The following TMEM178B variants were observed in gnomAD, a reference collection of about 807,000 sequenced individuals.
TMEM178B encodes the protein transmembrane protein 178B.
TMEM178B carries 5 observed loss-of-function variants against 31.0 expected under a neutral mutation model. That is an observed-to-expected ratio of 0.16 (90% CI 0.08 to 0.34). The LOEUF (loss-of-function observed/expected upper bound fraction) is 0.34, where lower values mean the gene tolerates loss of function less well. Ranked by LOEUF, TMEM178B falls within the 10% of genes least tolerant of loss-of-function variation. The probability of loss-of-function intolerance (pLI) is 1.00; values close to 1 mark genes in which losing one functional copy is unlikely to be tolerated. For synonymous variants in TMEM178B, 164 were observed against 164.0 expected, an observed-to-expected ratio of 1.00 and a Z score of 0.00; for missense variants, 275 against 400.3, an observed-to-expected ratio of 0.69 and a Z score of 2.67.
chr7:141,074,634 C>T lies in TMEM178B; in HGVS notation c.324C>T (p.Leu108=), dbSNP rs753114080. ...SRQYNSTNMG[L]WRKCHRQGFD... The stretch of plus-strand genomic sequence containing the variant: ...AGTACAACTCCACCAACATGGGCCT[C>T]TGGAGGAAGTGCCACCGGCAGGGCT... The change falls in exon 1 of 4, where the codon CTC becomes CTT. Residue 108 remains leucine, a synonymous_variant. Coordinates refer to ENST00000565468, the MANE Select transcript of TMEM178B (RefSeq NM_001195278.2). This position sits in a 1 kb window ranked among gnomAD's most constrained non-coding sequence, Gnocchi z 5.1. 7.9e-6 allele frequency: 12 copies of T among 1,528,134 alleles called. No individual in the cohort carries two copies. Among genetic ancestry groups the T allele is most frequent in the East Asian group, 2.5e-5 (1 of 40,680 alleles). 94.7% of individuals were successfully genotyped at this position (1,528,134 alleles called of 1,614,324 possible).
In TMEM178B at chr7:141,461,329, G is replaced by A. The variant is rs555400080; in HGVS notation, c.635-9207G>A. 1.3e-5 allele frequency among the ~76,000 whole-genome samples: 2 copies of A among 152,334 alleles called. No homozygotes were observed. The highest frequency in any genetic ancestry group is 4.8e-5 in the African/African-American group (2 of 41,576). On this transcript the variant is annotated intron_variant, in intron 3 of 3. Coordinates refer to ENST00000565468, the MANE Select transcript of TMEM178B (RefSeq NM_001195278.2). The surrounding 1 kb of genome is among the most constrained non-coding windows in gnomAD (Gnocchi z 4.0). Reference sequence around the variant, plus strand: ...CTCTCTCCACATAGCAACAAGAGAGGAAGCCAGGATTGGGGATCCGCAGAC... The same window carrying A: ...CTCTCTCCACATAGCAACAAGAGAGAAAGCCAGGATTGGGGATCCGCAGAC...
At chr7:141,448,776 G>T (rs1801807783) in intron 3 of TMEM178B, among the ~76,000 whole-genome samples, 1 of 152,108 alleles carries the variant, frequency 6.6e-6, no homozygotes, top group Non-Finnish European at 1.5e-5. Flanking sequence ...TGCAGTCCAG[G>T]CTCAGACTGG....
At chr7:141,390,637 G>T (rs1800517844) in intron 2 of TMEM178B, among the ~76,000 whole-genome samples, 1 of 152,212 alleles carries the variant, frequency 6.6e-6, no homozygotes, top group African/African-American at 2.4e-5. Flanking sequence ...CAAACTACCT[G>T]CCCCGTTCTG....
Position 141,263,822 on chromosome 7 carries a change from C to CA in TMEM178B, c.496+51119dup, listed in dbSNP as rs529421868. Among the ~76,000 whole-genome samples, 25 of 152,306 alleles carry CA rather than the reference C, an allele frequency of 1.6e-4. No individual in the cohort carries two copies. In the East Asian group the frequency reaches 2.7e-3, roughly 16 times the overall value. The stretch of plus-strand genomic sequence containing the variant: ...TTGTAGATTCAGAGGTCCCCAGGAC[C>CA]ACTTTTACTTTCCATAGTTCTGTAG... On this transcript the variant is annotated intron_variant, in intron 2 of 3. Transcript: ENST00000565468.
chr7:141,270,983 G>A (rs1421071887), intron 2 of TMEM178B, among the ~76,000 whole-genome samples: 1 of 152,158 alleles, frequency 6.6e-6, no homozygotes, highest in Non-Finnish European at 1.5e-5. Context: ...TGACAGGCAG[G>A]TACATTGCAG....
chr7:141,227,159 C>T (rs957429134), intron 2 of TMEM178B, among the ~76,000 whole-genome samples: 1 of 152,164 alleles, frequency 6.6e-6, no homozygotes, highest in African/African-American at 2.4e-5. Context: ...AGACTCAGGA[C>T]GGCAGAGGCC....
In TMEM178B at chr7:141,473,185, G is replaced by T. The variant is rs928980269; in HGVS notation, c.*2399G>T. On this transcript the variant is annotated 3_prime_UTR_variant, in exon 4 of 4. Transcript: ENST00000565468. ...ATTTCTAATTTTCTTTGAAAAGTTA[G>T]ATTTCTCCCTTAAGGGGAAGGGCAT... 3 of 152,198 alleles carry T rather than the reference G, an allele frequency of 2.0e-5. No homozygotes were observed. The highest frequency in any genetic ancestry group is 7.2e-5 in the African/African-American group (3 of 41,452). 9.4% of individuals were successfully genotyped at this position (152,198 alleles called of 1,614,324 possible). A position where few individuals can be genotyped will look rare whatever the true frequency, so the allele number is the denominator to read the frequency against.
At chr7:141,128,634 T>C (rs1374806630) in intron 1 of TMEM178B, among the ~76,000 whole-genome samples, 1 of 151,894 alleles carries the variant, frequency 6.6e-6, no homozygotes, top group African/African-American at 2.4e-5. Flanking sequence ...TAATAGTGCA[T>C]GGGGTTAACT....
intron 1 of TMEM178B, among the ~76,000 whole-genome samples, chr7:141,104,042 A>C (rs529258544): frequency 1.8e-4 from 28 of 152,360 alleles, no homozygotes; most frequent in Non-Finnish European, 3.2e-4. Context: ...TGCCATGCAC[A>C]ACCGAAAAAA....
chr7:141,215,788 T>TTC (rs146962083), intron 2 of TMEM178B, among the ~76,000 whole-genome samples: 1 of 67,716 alleles, frequency 1.5e-5, no homozygotes, highest in African/African-American at 5.0e-5. Context: ...CTTTCTTTCT[T>TTC]TCTTTCTTTC....
chr7:141,354,561 G>A (rs1167667819), intron 2 of TMEM178B, among the ~76,000 whole-genome samples: 1 of 152,196 alleles, frequency 6.6e-6, no homozygotes, highest in Admixed American at 6.5e-5. Context: ...AGGCCTTGAA[G>A]TCTTTTCTTT....
rs1481341676 is a variant in TMEM178B at position 141,474,978 on chromosome 7, G to T, written c.*4192G>T. 1 of 152,188 alleles carries T rather than the reference G, an allele frequency of 6.6e-6. No individual in the cohort carries two copies. Among genetic ancestry groups the T allele is most frequent in the African/African-American group, 2.4e-5 (1 of 41,436 alleles). 9.4% of individuals were successfully genotyped at this position (152,188 alleles called of 1,614,324 possible). A position where few individuals can be genotyped will look rare whatever the true frequency, so the allele number is the denominator to read the frequency against. On this transcript the variant is annotated 3_prime_UTR_variant, in exon 4 of 4. Transcript: ENST00000565468. The stretch of plus-strand genomic sequence containing the variant: ...ATACACTCTGGTCATCCTTTGGTGT[G>T]GTTTGTGGGGGATACTTGGTTGATT...
intron 2 of TMEM178B, among the ~76,000 whole-genome samples, chr7:141,391,206 G>A (rs1255555050): frequency 4.6e-5 from 7 of 151,822 alleles, no homozygotes; most frequent in Admixed American, 6.6e-5. Flanking sequence ...TCACTCTGTC[G>A]CCAGACTGAA....
intron 1 of TMEM178B, among the ~76,000 whole-genome samples, chr7:141,160,203 C>T (rs760813070): frequency 1.3e-5 from 2 of 151,960 alleles, no homozygotes; most frequent in Non-Finnish European, 2.9e-5. Flanking sequence ...ATCCCTCACC[C>T]CACTCCCACC....
intron 2 of TMEM178B, among the ~76,000 whole-genome samples, chr7:141,399,814 G>A (rs1800728406): frequency 6.6e-6 from 1 of 151,948 alleles, no homozygotes; most frequent in African/African-American, 2.4e-5. Flanking sequence ...CTGGCCCTAG[G>A]GATTTTCTAC....
chr7:141,466,077 CAT>C (rs1410036185), intron 3 of TMEM178B, among the ~76,000 whole-genome samples: 1 of 152,166 alleles, frequency 6.6e-6, no homozygotes, highest in Non-Finnish European at 1.5e-5. Context: ...AAAACAGTAG[CAT>C]ATATGGAAAT....
chr7:141,094,263 T>C (rs1794923722), intron 1 of TMEM178B, among the ~76,000 whole-genome samples: 2 of 152,244 alleles, frequency 1.3e-5, no homozygotes, highest in South Asian at 4.1e-4. Context: ...GAGATGGCCT[T>C]TCTTGAAGCA....
intron 2 of TMEM178B, among the ~76,000 whole-genome samples, chr7:141,263,360 T>C (rs1435829280): frequency 1.3e-5 from 2 of 152,134 alleles, no homozygotes; most frequent in Admixed American, 1.3e-4. Flanking sequence ...ATGGGATACA[T>C]GGGCACAGGT....
At chr7:141,293,557 C>T (rs999398659) in intron 2 of TMEM178B, among the ~76,000 whole-genome samples, 2 of 152,010 alleles carry the variant, frequency 1.3e-5, no homozygotes, top group African/African-American at 4.8e-5. Context: ...GGGATGCAGG[C>T]AGAGGAAATG....
Sources: allele counts gnomAD v4.1 joint callset (sites outside exome capture counted in the v4.1 genomes callset), GRCh38; gene constraint gnomAD v4.1.1; non-coding constraint Gnocchi (gnomAD v3.1); transcripts MANE v1.5; gene names NCBI Gene and HGNC (gene_info 2026-07-23, HGNC 2026-07-21).